SAMD4A: variants seen among roughly 807,000 people sequenced by gnomAD.
The protein encoded by SAMD4A is protein Smaug homolog 1.
SAMD4A carries 33 observed loss-of-function variants against 81.3 expected under a neutral mutation model. That is an observed-to-expected ratio of 0.41 (90% CI 0.31 to 0.54). The LOEUF (loss-of-function observed/expected upper bound fraction) is 0.54, where lower values mean the gene tolerates loss of function less well. SAMD4A is among the 20% of genes least tolerant of loss of function. The probability of loss-of-function intolerance (pLI) is 0.37; values close to 1 mark genes in which losing one functional copy is unlikely to be tolerated. For synonymous variants in SAMD4A, 389 were observed against 382.1 expected (o/e 1.02, Z -0.21); for missense variants, 854 against 951.1 (o/e 0.90, Z 1.34).
intron 2 of SAMD4A, among the ~76,000 whole-genome samples, chr14:54,641,826 C>T (rs2035180903): frequency 6.6e-6 from 1 of 151,986 alleles, no homozygotes; most frequent in Non-Finnish European, 1.5e-5. Flanking sequence ...GAGATAGAGT[C>T]TCGCTCTGTC....
chr14:54,568,500 T>C (rs2140096926), intron 2 of SAMD4A, among the ~76,000 whole-genome samples: 1 of 151,678 alleles, frequency 6.6e-6, no homozygotes, highest in East Asian at 1.9e-4. Flanking sequence ...CGTGGCTCGC[T>C]GGATTTCAGC....
chr14:54,776,443 C>A lies in SAMD4A; in HGVS notation c.1947C>A (p.Ser649Arg). The A allele has an allele frequency of 6.3e-7, 1 of 1,594,100 alleles. No homozygotes were observed. Among genetic ancestry groups the A allele is most frequent in the Non-Finnish European group, 8.5e-7 (1 of 1,171,264 alleles). The stretch of plus-strand genomic sequence containing the variant: ...TGTGGTTTGCCAACCCCGGGGGCAG[C>A]AATAGCATGCCAAGCCGCACCCACA... ...QNLWFANPGG[S>R]NSMPSRTHSS... The change falls in exon 11 of 13, where the codon AGC (serine) becomes AGA (arginine). Residue 649 changes from serine to arginine, a missense_variant. By Grantham distance (110) the Ser-to-Arg change is moderately radical. Coordinates refer to ENST00000554335, the MANE Select transcript of SAMD4A (RefSeq NM_015589.6).
At position 54,678,682 on chromosome 14, in the gene SAMD4A, G is replaced by C. The variant is rs189586643; in HGVS notation, c.197-23380G>C. Among the ~76,000 whole-genome samples the C allele has an allele frequency of 2.1e-3, 322 of 151,852 alleles. 3 individuals are homozygous for C. The highest frequency in any genetic ancestry group is 6.9e-3 in the African/African-American group (285 of 41,344). On this transcript the variant is annotated intron_variant, in intron 2 of 12. Transcript: ENST00000554335. ...TCCTGCCTCAGCCTCCTGAGTAGCT[G>C]GGACTACAGGCGCCCGCCATCGCTT...
At chr14:54,618,842 G>C (rs935759060) in intron 2 of SAMD4A, among the ~76,000 whole-genome samples, 1 of 151,950 alleles carries the variant, frequency 6.6e-6, no homozygotes, top group Non-Finnish European at 1.5e-5. Flanking sequence ...AGATATCTTG[G>C]GCAGGAAAGA....
chr14:54,639,039 G>T (rs991411416), intron 2 of SAMD4A, among the ~76,000 whole-genome samples: 6 of 152,168 alleles, frequency 3.9e-5, no homozygotes, highest in South Asian at 4.1e-4. Flanking sequence ...CCTGAGCAAG[G>T]TTGGCATGCT....
At chr14:54,599,493 ATAT>A (rs2033998914) in intron 2 of SAMD4A, among the ~76,000 whole-genome samples, 1 of 152,332 alleles carries the variant, frequency 6.6e-6, no homozygotes, top group African/African-American at 2.4e-5. Context: ...ATTTTAAAAA[ATAT>A]TATACTGCTT....
At chr14:54,645,501 G>C (rs1253347080) in intron 2 of SAMD4A, among the ~76,000 whole-genome samples, 1 of 152,120 alleles carries the variant, frequency 6.6e-6, no homozygotes, top group East Asian at 1.9e-4. Context: ...GTGACTCTAA[G>C]TCTTGCTTAA....
chr14:54,682,167 T>C, intron 2 of SAMD4A: 2 of 529,736 alleles, frequency 3.8e-6, no homozygotes, highest in Non-Finnish European at 4.8e-6. Flanking sequence ...GTCTGCTGTG[T>C]GCACAGAAGA....
At chr14:54,754,069 C>T (rs1268302880) in intron 6 of SAMD4A, among the ~76,000 whole-genome samples, 1 of 152,210 alleles carries the variant, frequency 6.6e-6, no homozygotes. Flanking sequence ...CATTCATATC[C>T]TCCATCACTG....
At chr14:54,679,457 T>C (rs537274436) in intron 2 of SAMD4A, among the ~76,000 whole-genome samples, 168 of 152,356 alleles carry the variant, frequency 1.1e-3, no homozygotes, top group African/African-American at 4.0e-3. Context: ...CGTGTAAGCA[T>C]GTTCTCCCCT....
At chr14:54,717,440 CA>C (rs921636353) in intron 3 of SAMD4A, among the ~76,000 whole-genome samples, 18,345 of 98,802 alleles carry the variant, frequency 0.19, 1,074 homozygotes, top group African/African-American at 0.25. Context: ...GACCCTGTCT[CA>C]AAAAAAAAAA....
chr14:54,783,786 C>T (rs2039063590), intron 11 of SAMD4A, among the ~76,000 whole-genome samples: 2 of 152,196 alleles, frequency 1.3e-5, no homozygotes, highest in African/African-American at 4.8e-5. Context: ...CTAAAGCCCC[C>T]CACGTGGTCT....
chr14:54,769,518 A>G (rs1279327095), intron 8 of SAMD4A, among the ~76,000 whole-genome samples: 2 of 152,168 alleles, frequency 1.3e-5, no homozygotes, highest in Non-Finnish European at 2.9e-5. Flanking sequence ...AGACCTACAT[A>G]CTTCCCTAAA....
intron 2 of SAMD4A, among the ~76,000 whole-genome samples, chr14:54,631,001 A>C (rs1386478316): frequency 2.0e-5 from 3 of 151,316 alleles, no homozygotes; most frequent in African/African-American, 7.3e-5. Flanking sequence ...CAAGAGCTGC[A>C]GGCAGAGCCA....
intron 2 of SAMD4A, among the ~76,000 whole-genome samples, chr14:54,668,116 G>C (rs2140498103): frequency 6.6e-6 from 1 of 152,336 alleles, no homozygotes. Context: ...AGTTGACCTT[G>C]TGAGTTTTTG....
At chr14:54,632,791 T>A (rs1161027314) in intron 2 of SAMD4A, among the ~76,000 whole-genome samples, 1 of 152,254 alleles carries the variant, frequency 6.6e-6, no homozygotes, top group African/African-American at 2.4e-5. Flanking sequence ...CACTCTGTTT[T>A]AACTTTCTTA....
chr14:54,775,219 G>A lies in SAMD4A; in HGVS notation c.1917+84G>A, dbSNP rs928517058. The A allele has an allele frequency of 2.7e-5, 41 of 1,514,750 alleles. No individual in the cohort carries two copies. In the Admixed American group the frequency reaches 4.9e-4, roughly 18 times the overall value. The allele number at this position is 1,514,750 out of a possible 1,614,324, so 93.8% of individuals were successfully genotyped here. On this transcript the variant is annotated intron_variant, in intron 10 of 12. Transcript: ENST00000554335. Reference sequence around the variant, plus strand: ...TGTCCCCCCAGGTGACCCCAGGGTGGGGAGAGAGGCCAAAGGGGACTATGC... The same window carrying A: ...TGTCCCCCCAGGTGACCCCAGGGTGAGGAGAGAGGCCAAAGGGGACTATGC...
chr14:54,572,821 A>C (rs1594678191), intron 2 of SAMD4A, among the ~76,000 whole-genome samples: 1 of 152,330 alleles, frequency 6.6e-6, no homozygotes, highest in East Asian at 1.9e-4. Context: ...ATTTGCCTTT[A>C]ATTAATATAG....
Position 54,790,524 on chromosome 14 carries a change from T to G in SAMD4A, c.*1580T>G, listed in dbSNP as rs2039240594. 1 of 152,158 alleles carries G rather than the reference T, an allele frequency of 6.6e-6. No individual in the cohort carries two copies. Among genetic ancestry groups the G allele is most frequent in the Admixed American group, 6.5e-5 (1 of 15,270 alleles). The allele number at this position is 152,158 out of a possible 1,614,324, so 9.4% of individuals were successfully genotyped here. ...GGCAAGAAAGGCTACATTTCAGAAT[T>G]TGACACAGTGGAGGGTATTAGAGGA... On this transcript the variant is annotated 3_prime_UTR_variant, in exon 13 of 13. Transcript: ENST00000554335.
Sources: allele counts gnomAD v4.1 joint callset (sites outside exome capture counted in the v4.1 genomes callset), GRCh38; gene constraint gnomAD v4.1.1; transcripts MANE v1.5; gene names NCBI Gene and HGNC (gene_info 2026-07-23, HGNC 2026-07-21).